Variants in PCDHAC1 observed in about 807,000 individuals in gnomAD.
PCDHAC1 encodes protocadherin alpha-C1.
In PCDHAC1, 42 loss-of-function variants were observed where a neutral mutation model predicts 60.0. The ratio of observed to expected loss-of-function variants is 0.70; its 90% CI spans 0.55 to 0.90. The LOEUF is 0.90. Among genes scored for constraint, PCDHAC1 ranks in the 40% least tolerant of loss-of-function variants. The pLI, the probability that PCDHAC1 is intolerant of heterozygous loss-of-function variation, is 0.00. For synonymous variants in PCDHAC1, 468 were observed against 499.3 expected (o/e 0.94, Z 0.84); for missense variants, 1,160 against 1,222.3 (o/e 0.95, Z 0.76).
chr5:140,949,521 T>C (rs2094388357), intron 1 of PCDHAC1, among the ~76,000 whole-genome samples: 1 of 151,932 alleles, frequency 6.6e-6, no homozygotes, highest in East Asian at 1.9e-4. Flanking sequence ...TTGATCCTTT[T>C]ATCTTCATAA....
intron 2 of PCDHAC1, among the ~76,000 whole-genome samples, chr5:140,982,104 G>A (rs1280175443): frequency 6.6e-6 from 1 of 152,256 alleles, no homozygotes; most frequent in Non-Finnish European, 1.5e-5. Flanking sequence ...GAACCTGCAA[G>A]AGAGGCTTGG....
At chr5:140,938,158 C>G (rs1308976624) in intron 1 of PCDHAC1, among the ~76,000 whole-genome samples, 1 of 152,112 alleles carries the variant, frequency 6.6e-6, no homozygotes, top group African/African-American at 2.4e-5. Flanking sequence ...ATTGCCCAGG[C>G]TAGTCTGGAG....
At chr5:140,946,634 A>ATATATAT (rs1554217761) in intron 1 of PCDHAC1, among the ~76,000 whole-genome samples, 3 of 147,376 alleles carry the variant, frequency 2.0e-5, no homozygotes, top group African/African-American at 5.1e-5. Context: ...ATATATATAC[A>ATATATAT]ATGGAATACT....
chr5:140,928,235 C>T lies in PCDHAC1; in HGVS notation c.1343C>T (p.Pro448Leu), dbSNP rs1455319165. 5.6e-6 allele frequency: 9 copies of T among 1,614,090 alleles called. No individual in the cohort carries two copies. Among genetic ancestry groups the T allele is most frequent in the African/African-American group, 1.3e-5 (1 of 74,928 alleles). The change falls in exon 1 of 4, where the codon CCC becomes CTC. Residue 448 changes from proline to leucine, a missense_variant. This residue lies in a region of PCDHAC1 where 1,113 missense variants were observed against 1,163.7 expected (regional missense o/e 0.96). Transcript: ENST00000253807. ...GACAATACACCAAACTTTCCTCAAC[C>T]CCAGCAGGAACTTTTCGTTGCTGAA... ...VNDNTPNFPQ[P>L]QQELFVAENN...
intron 1 of PCDHAC1, among the ~76,000 whole-genome samples, chr5:140,938,949 G>A (rs943956831): frequency 6.6e-6 from 1 of 152,028 alleles, no homozygotes; most frequent in Non-Finnish European, 1.5e-5. Flanking sequence ...TTCTTATAAT[G>A]CTCTAGTCGG....
chr5:140,966,313 C>G, intron 1 of PCDHAC1: 1 of 386,824 alleles, frequency 2.6e-6, no homozygotes. Flanking sequence ...CGTGTTCCTG[C>G]GGTCCGCTGG....
Position 141,009,957 on chromosome 5 carries a change from G to T in PCDHAC1, c.*20G>T. ...CAGTGAGGTCCTCAAATGGAAACAA[G>T]CCACTTAGCCAGTTTTTGTAATAAT... On this transcript the variant is annotated 3_prime_UTR_variant, in exon 4 of 4. Coordinates refer to ENST00000253807, the MANE Select transcript of PCDHAC1 (RefSeq NM_018898.5). 1 of 1,589,160 alleles carries T rather than the reference G, an allele frequency of 6.3e-7. No homozygotes were observed. Among genetic ancestry groups the T allele is most frequent in the Non-Finnish European group, 8.5e-7 (1 of 1,171,102 alleles).
chr5:140,962,870 T>C (rs558640798), intron 1 of PCDHAC1, among the ~76,000 whole-genome samples: 1 of 152,306 alleles, frequency 6.6e-6, no homozygotes, highest in Admixed American at 6.5e-5. Context: ...TAGAGCAACA[T>C]AAATACATGA....
At position 140,947,211 on chromosome 5, in the gene PCDHAC1, T is replaced by A. The variant is rs562676640; in HGVS notation, c.2433+17886T>A. Among the ~76,000 whole-genome samples, 51 of 151,298 alleles carry A rather than the reference T, an allele frequency of 3.4e-4. 1 individual carries two copies. In the South Asian group the frequency reaches 0.011, roughly 32 times the overall value. On this transcript the variant is annotated intron_variant, in intron 1 of 3. Transcript: ENST00000253807. ...ACTACACAGCCTTAAAAAAAGAAAA[T>A]CCTGTCATTTATGACAGGAAAAAAA...
At chr5:140,951,741 C>A (rs1490111006) in intron 1 of PCDHAC1, among the ~76,000 whole-genome samples, 3 of 152,062 alleles carry the variant, frequency 2.0e-5, no homozygotes, top group Non-Finnish European at 4.4e-5. Flanking sequence ...CTGCCACTGC[C>A]CTCACCCTCC....
Position 140,929,201 on chromosome 5 carries a change from T to C in PCDHAC1, c.2309T>C (p.Leu770Pro), listed in dbSNP as rs146014873. The C allele has an allele frequency of 1.9e-6, 3 of 1,614,168 alleles. No homozygotes were observed. The highest frequency in any genetic ancestry group is 4.5e-5 in the East Asian group (2 of 44,880). Residue 770 changes from leucine (L) to proline (P), a missense_variant, in exon 1 of 4, where the codon CTG (leucine) becomes CCG (proline). Transcript: ENST00000253807. ...LGLGSDNNSL[L>P]LRGEYNAADL... Reference sequence around the variant, plus strand: ...CTTGGTTCTGATAATAACAGTTTGCTGTTGCGTGGGGAGTACAATGCTGCC... The same window carrying C: ...CTTGGTTCTGATAATAACAGTTTGCCGTTGCGTGGGGAGTACAATGCTGCC...
intron 1 of PCDHAC1, among the ~76,000 whole-genome samples, chr5:140,950,271 T>C (rs1202365274): frequency 6.6e-6 from 1 of 152,058 alleles, no homozygotes; most frequent in Non-Finnish European, 1.5e-5. Flanking sequence ...ATCCATAATG[T>C]CTTTTTGCTT....
chr5:141,007,394 A>G (rs2098323051), intron 3 of PCDHAC1, among the ~76,000 whole-genome samples: 16 of 86,170 alleles, frequency 1.9e-4, no homozygotes, highest in Non-Finnish European at 3.5e-4. Context: ...CTACTAAAAT[A>G]CAAAAAAAAA....
At chr5:140,997,668 T>TTGTGTGTGTG (rs35184029) in intron 3 of PCDHAC1, among the ~76,000 whole-genome samples, 47 of 148,344 alleles carry the variant, frequency 3.2e-4, no homozygotes, top group East Asian at 1.8e-3. Flanking sequence ...ATTATACAGC[T>TTGTGTGTGTG]TGTGTGTGTG....
rs148596731 is a variant in PCDHAC1 at position 141,000,361 on chromosome 5, GTCTCTCTCTCTC to G, written c.2582-9242_2582-9231del. Among the ~76,000 whole-genome samples, 60 of 26,440 alleles carry G rather than the reference GTCTCTCTCTCTC, an allele frequency of 2.3e-3. 1 individual carries two copies. Among genetic ancestry groups the G allele is most frequent in the Admixed American group, 5.8e-3 (10 of 1,730 alleles). The allele number at this position is 26,440 out of a possible 152,430, so 17.3% of individuals were successfully genotyped here. On this transcript the variant is annotated intron_variant, in intron 3 of 3. Transcript: ENST00000253807. ...CCTATCTCTCTCTCTGTCTCTCTCT[GTCTCTCTCTCTC>G]TCTCTCTCTCTCTCTCTCTCTCTAT...
In PCDHAC1 at chr5:140,993,462, T is replaced by C. The variant is rs540334246; in HGVS notation, c.2581+10899T>C. ...CATTCCTGTTCTCCTTCTTTCTTTCTCACACACACACACACACACACACAC... is the reference window on the plus strand; with the variant it reads ...CATTCCTGTTCTCCTTCTTTCTTTCCCACACACACACACACACACACACAC... On this transcript the variant is annotated intron_variant, in intron 3 of 3. Transcript: ENST00000253807. Among the ~76,000 whole-genome samples the C allele has an allele frequency of 4.2e-3, 597 of 141,044 alleles. 4 individuals are homozygous for C. Among genetic ancestry groups the C allele is most frequent in the African/African-American group, 0.015 (577 of 37,966 alleles). 92.5% of individuals were successfully genotyped at this position (141,044 alleles called of 152,430 possible).
intron 1 of PCDHAC1, chr5:140,968,978 G>A: frequency 1.9e-6 from 3 of 1,614,212 alleles, no homozygotes; most frequent in Non-Finnish European, 1.7e-6. Flanking sequence ...CACTGCGTAT[G>A]GCACTGCATG....
chr5:140,973,850 T>G (rs767532771), intron 1 of PCDHAC1, among the ~76,000 whole-genome samples: 25 of 152,176 alleles, frequency 1.6e-4, no homozygotes, highest in Admixed American at 5.2e-4. Flanking sequence ...TGCCTACCAA[T>G]TTTTGCTCTC....
Position 140,928,513 on chromosome 5 carries a change from A to AT in PCDHAC1, c.1622dup (p.Asn542LysfsTer7), listed in dbSNP as rs1563106002. 6.2e-7 allele frequency: 1 copy of AT among 1,614,182 alleles called. No homozygotes were observed. Among genetic ancestry groups the AT allele is most frequent in the South Asian group, 1.1e-5 (1 of 91,078 alleles). On this transcript the variant is annotated frameshift_variant, in exon 1 of 4. Transcript: ENST00000253807. LOFTEE classifies it high-confidence loss of function. ...TCCTCCCAGAAGTGCAACAGTGACTATAAACTTGTTTGTGGTAGATAGGAA... is the reference window on the plus strand; with the variant it reads ...TCCTCCCAGAAGTGCAACAGTGACTATTAAACTTGTTTGTGGTAGATAGGAA...
Sources: allele counts gnomAD v4.1 joint callset (sites outside exome capture counted in the v4.1 genomes callset), GRCh38; gene constraint gnomAD v4.1.1; regional missense constraint gnomAD v4.1.1; transcripts MANE v1.5; gene names NCBI Gene and HGNC (gene_info 2026-07-23, HGNC 2026-07-21).